SPPL2A: variants seen among roughly 807,000 people sequenced by gnomAD.
SPPL2A encodes the protein signal peptide peptidase like 2A.
Under a neutral mutation model 63.8 loss-of-function variants are expected in SPPL2A, and 51 were observed. That is an observed-to-expected ratio of 0.80 (90% confidence interval 0.64 to 1.01). The LOEUF (loss-of-function observed/expected upper bound fraction) is 1.01. SPPL2A is among the 50% of genes least tolerant of loss of function. The pLI, the probability that SPPL2A is intolerant of heterozygous loss-of-function variation, is 0.00. For missense variants in SPPL2A, 553 were observed against 622.7 expected (o/e 0.89, Z 1.19); for synonymous variants, 188 against 205.8 (o/e 0.91, Z 0.74).
chr15:50,724,182 C>T, intron 12 of SPPL2A, among the ~76,000 whole-genome samples: 1 of 152,206 alleles, frequency 6.6e-6, no homozygotes, highest in East Asian at 1.9e-4. Flanking sequence ...TAGCTTTTCT[C>T]TCTCTACCTG....
At chr15:50,718,301 G>A (rs538951149) in intron 14 of SPPL2A, among the ~76,000 whole-genome samples, 3 of 152,182 alleles carry the variant, frequency 2.0e-5, no homozygotes, top group Non-Finnish European at 2.9e-5. Context: ...AAGAGGTCAT[G>A]AGAATAGGCC....
At position 50,726,776 on chromosome 15, in the gene SPPL2A, G is replaced by A. The variant is rs2062691218; in HGVS notation, c.1090-399C>T. 2.0e-5 allele frequency among the ~76,000 whole-genome samples: 3 copies of A among 152,278 alleles called. No individual in the cohort carries two copies. In the South Asian group the frequency reaches 6.2e-4, roughly 32 times the overall value. On this transcript the variant is annotated intron_variant, in intron 10 of 14. Transcript: ENST00000261854. ...AGCAGTTTTCAGTAATGTCAGTGAA[G>A]AAGATCATACTAAAATCTTTTACAC...
At chr15:50,720,244 A>C in intron 13 of SPPL2A, 144 bp from the exon 14 acceptor site, 1 of 621,214 alleles carries the variant, frequency 1.6e-6, no homozygotes, top group Middle Eastern at 3.3e-4. Flanking sequence ...ATTTTCCTAG[A>C]TAGGATTAGG....
At chr15:50,764,285 T>C (rs1348987729) in intron 1 of SPPL2A, among the ~76,000 whole-genome samples, 1 of 152,056 alleles carries the variant, frequency 6.6e-6, no homozygotes, top group Non-Finnish European at 1.5e-5. Flanking sequence ...GTATTATCTG[T>C]CTGATTACAC....
chr15:50,712,943 C>T (rs1163893052), intron 14 of SPPL2A, among the ~76,000 whole-genome samples: 1 of 152,054 alleles, frequency 6.6e-6, no homozygotes, highest in Non-Finnish European at 1.5e-5. Flanking sequence ...CTTGGCCTCC[C>T]AAAGTGCTGG....
At chr15:50,736,907 G>GTTT (rs35812835) in intron 6 of SPPL2A, among the ~76,000 whole-genome samples, 167 bp from the exon 7 acceptor site, 12 of 150,482 alleles carry the variant, frequency 8.0e-5, no homozygotes, top group Admixed American at 1.3e-4. Context: ...AGATCGTGAG[G>GTTT]TTTTTTGTTT....
intron 9 of SPPL2A, among the ~76,000 whole-genome samples, chr15:50,731,927 CAAA>C (rs60624824): frequency 1.6e-5 from 1 of 64,226 alleles, no homozygotes; most frequent in South Asian, 6.5e-4. Flanking sequence ...GACTCCATCT[CAAA>C]AAAAAAAAAA....
At chr15:50,752,439 C>A (rs917287349) in intron 1 of SPPL2A, among the ~76,000 whole-genome samples, 3 of 151,836 alleles carry the variant, frequency 2.0e-5, no homozygotes, top group African/African-American at 4.8e-5. Context: ...AAAATTAGGC[C>A]GGGCGCAGTG....
chr15:50,728,936 T>C (rs941328089), intron 10 of SPPL2A, among the ~76,000 whole-genome samples: 1 of 151,054 alleles, frequency 6.6e-6, no homozygotes. Flanking sequence ...GCCTCAGCCC[T>C]CCAAGTAGCT....
intron 13 of SPPL2A, among the ~76,000 whole-genome samples, chr15:50,720,551 T>C (rs1455863015): frequency 2.0e-5 from 3 of 151,180 alleles, no homozygotes; most frequent in Non-Finnish European, 2.9e-5. Flanking sequence ...TGGAGTTTTG[T>C]TCTTGTTGCC....
intron 14 of SPPL2A, among the ~76,000 whole-genome samples, chr15:50,714,384 C>T (rs1185520824): frequency 6.6e-6 from 1 of 152,190 alleles, no homozygotes; most frequent in Admixed American, 6.5e-5. Context: ...ATAATCCCAG[C>T]ACTTTGGGAG....
Position 50,736,668 on chromosome 15 carries a change from T to C in SPPL2A, c.806A>G (p.His269Arg). 6.3e-7 allele frequency: 1 copy of C among 1,599,858 alleles called. No homozygotes were observed. The highest frequency in any genetic ancestry group is 8.6e-7 in the Non-Finnish European group (1 of 1,167,628). Residue 269 changes from histidine to arginine, a missense_variant, in exon 7 of 15, where the codon CAT (histidine) becomes CGT (arginine). Transcript: ENST00000261854. ...CGTGCATTGTCCATATGGTATCTTA[T>C]GAATTAGTGCAGCAAGACAGTTGTA... ...SLYNCLAALI[H>R]KIPYGQCTIA...
chr15:50,736,312 TTTGAAAGTC>T, intron 7 of SPPL2A, 110 bp from the exon 8 acceptor site: 1 of 674,888 alleles, frequency 1.5e-6, no homozygotes, highest in Non-Finnish European at 2.6e-6. Flanking sequence ...AAATATCAAT[TTTGAAAGTC>T]TTGATTTTAA....
intron 5 of SPPL2A, chr15:50,746,618 T>C (rs2062859921): frequency 6.6e-6 from 1 of 151,638 alleles, no homozygotes; most frequent in African/African-American, 2.4e-5. Context: ...GTTTAGTGGT[T>C]ATTTAACTGT....
intron 6 of SPPL2A, among the ~76,000 whole-genome samples, chr15:50,739,170 CTTTTTTTTTTT>C (rs71127136): frequency 2.8e-5 from 3 of 106,936 alleles, no homozygotes; most frequent in Non-Finnish European, 3.9e-5. Context: ...ACATAACGTA[CTTTTTTTTTTT>C]TTTTTTTTTT....
rs539133374 is a variant in SPPL2A, at chr15:50,704,792, G to A, written c.*3008C>T. On this transcript the variant is annotated 3_prime_UTR_variant, in exon 15 of 15. Transcript: ENST00000261854. ...GCTACACATTTAATTACAATATAAA[G>A]TTGACATTGAGGATGAAGAAACTTA... 6.6e-6 allele frequency: 1 copy of A among 152,168 alleles called. No individual in the cohort carries two copies. The highest frequency in any genetic ancestry group is 2.4e-5 in the African/African-American group (1 of 41,532). The allele number at this position is 152,168 out of a possible 1,614,324, so 9.4% of individuals were successfully genotyped here.
At chr15:50,729,399 GCATATGCCAGCTGACC>G (rs2062713270) in intron 10 of SPPL2A, among the ~76,000 whole-genome samples, 1 of 152,168 alleles carries the variant, frequency 6.6e-6, no homozygotes, top group Non-Finnish European at 1.5e-5. Context: ...GTTAGGCCAG[GCATATGCCAGCTGACC>G]CATATGCCAG....
chr15:50,720,517 C>CTTTTTT (rs750969318), intron 13 of SPPL2A, among the ~76,000 whole-genome samples: 3 of 105,584 alleles, frequency 2.8e-5, no homozygotes, highest in East Asian at 2.8e-4. Context: ...TTGAACTTTT[C>CTTTTTT]TTTTTTTTTT....
intron 8 of SPPL2A, among the ~76,000 whole-genome samples, chr15:50,734,518 C>T (rs940310196): frequency 3.3e-5 from 5 of 151,550 alleles, no homozygotes; most frequent in African/African-American, 1.2e-4. Flanking sequence ...TTACCAGAGG[C>T]TAAAAAAAGG....
Sources: allele counts gnomAD v4.1 joint callset (sites outside exome capture counted in the v4.1 genomes callset), GRCh38; gene constraint gnomAD v4.1.1; transcripts MANE v1.5; gene names NCBI Gene and HGNC (gene_info 2026-07-23, HGNC 2026-07-21).